Variants in STRN observed in about 807,000 individuals in gnomAD.
The protein encoded by STRN is protein phosphatase 2 regulatory subunit B'''alpha.
STRN carries 53 observed loss-of-function variants against 96.3 expected under a neutral mutation model. The ratio of observed to expected loss-of-function variants is 0.55; its 90% confidence interval spans 0.44 to 0.69. STRN has a LOEUF of 0.69. Ranked by LOEUF, STRN falls within the 30% of genes least tolerant of loss-of-function variation. The probability of loss-of-function intolerance (pLI) is 0.00; values close to 1 mark genes in which losing one functional copy is unlikely to be tolerated. For missense variants in STRN, 987 were observed against 963.9 expected, an observed-to-expected ratio of 1.02 and a Z score of -0.32; for synonymous variants, 428 against 355.9, an observed-to-expected ratio of 1.20 and a Z score of -2.28.
At chr2:36,914,644 T>C (rs770259921) in intron 3 of STRN, among the ~76,000 whole-genome samples, 10 of 152,140 alleles carry the variant, frequency 6.6e-5, no homozygotes, top group Admixed American at 2.0e-4. Context: ...AACTATAAAA[T>C]TGGCAGTACA....
At chr2:36,890,943 A>G (rs1189113924) in intron 7 of STRN, among the ~76,000 whole-genome samples, 3 of 152,126 alleles carry the variant, frequency 2.0e-5, no homozygotes, top group African/African-American at 7.2e-5. Context: ...AAGCAAAATA[A>G]TACACTACAG....
rs57446302 is a variant in STRN at position 36,846,387 on chromosome 2, T to TTATATATATATATATATA, written c.*3051_*3068dup. The TTATATATATATATATATA allele has an allele frequency of 5.4e-4, 42 of 78,304 alleles. No homozygotes were observed. The highest frequency in any genetic ancestry group is 6.3e-4 in the Non-Finnish European group (29 of 46,172). 4.9% of individuals were successfully genotyped at this position (78,304 alleles called of 1,614,324 possible). On this transcript the variant is annotated 3_prime_UTR_variant, in exon 18 of 18. Coordinates refer to ENST00000263918, the MANE Select transcript of STRN (RefSeq NM_003162.4). ...CAAAACAGTAAAATGCACCTATGGT[T>TTATATATATATATATATA]TATATATATATATATATATATATAT...
At chr2:36,896,034 G>C (rs1230932927) in intron 6 of STRN, among the ~76,000 whole-genome samples, 3 of 152,046 alleles carry the variant, frequency 2.0e-5, no homozygotes, top group Non-Finnish European at 4.4e-5. Context: ...TTTTACCCTA[G>C]AGGCTTAATC....
At chr2:36,943,413 A>C (rs937251783) in intron 1 of STRN, among the ~76,000 whole-genome samples, 1 of 151,628 alleles carries the variant, frequency 6.6e-6, no homozygotes, top group Non-Finnish European at 1.5e-5. Flanking sequence ...AATATATAAG[A>C]TTAATAAAAC....
intron 10 of STRN, among the ~76,000 whole-genome samples, chr2:36,876,482 G>T (rs1306857294): frequency 1.3e-5 from 2 of 152,060 alleles, no homozygotes; most frequent in East Asian, 1.9e-4. Context: ...AACAGGTTGG[G>T]AGTTTTTTTA....
chr2:36,879,440 T>C (rs1669010275), intron 9 of STRN, among the ~76,000 whole-genome samples: 1 of 152,254 alleles, frequency 6.6e-6, no homozygotes, highest in South Asian at 2.1e-4. Context: ...ATGTCAGTTT[T>C]ACTTTGTGAA....
At chr2:36,874,717 TAAAAAAAAA>T (rs35268065) in intron 10 of STRN, among the ~76,000 whole-genome samples, 3 of 86,276 alleles carry the variant, frequency 3.5e-5, no homozygotes, top group African/African-American at 1.4e-4. Flanking sequence ...TGTTTAGAGT[TAAAAAAAAA>T]AAAAAAAAAA....
intron 1 of STRN, among the ~76,000 whole-genome samples, chr2:36,944,848 A>G (rs956297630): frequency 6.6e-6 from 1 of 152,204 alleles, no homozygotes; most frequent in African/African-American, 2.4e-5. Context: ...GCAAATTAAT[A>G]TAAGTAGGAG....
rs1191376825 is a variant in STRN at position 36,840,440 on chromosome 2, T to G, written c.*9016A>C. The stretch of plus-strand genomic sequence containing the variant: ...TACTCAGGCATTTTGTTGCTACCTG[T>G]GAGGTAAAGTCCAAATTCCTCTCCA... On this transcript the variant is annotated 3_prime_UTR_variant, in exon 18 of 18. Transcript: ENST00000263918. The G allele has an allele frequency of 6.6e-6, 1 of 152,078 alleles. No individual in the cohort carries two copies. The highest frequency in any genetic ancestry group is 1.5e-5 in the Non-Finnish European group (1 of 68,028). The allele number at this position is 152,078 out of a possible 1,614,324, so 9.4% of individuals were successfully genotyped here. A position where few individuals can be genotyped will look rare whatever the true frequency, so the allele number is the denominator to read the frequency against.
intron 2 of STRN, among the ~76,000 whole-genome samples, chr2:36,924,245 AC>A (rs1330563761): frequency 1.3e-5 from 2 of 151,212 alleles, no homozygotes; most frequent in Non-Finnish European, 2.9e-5. Context: ...AGTCCCAGCT[AC>A]TTGGGAGGCT....
chr2:36,895,383 G>C (rs1182504648), intron 6 of STRN, among the ~76,000 whole-genome samples: 2 of 151,170 alleles, frequency 1.3e-5, no homozygotes, highest in Admixed American at 1.3e-4. Context: ...AATGATGCTA[G>C]AATAATTTGT....
Position 36,841,016 on chromosome 2 carries a change from C to T in STRN, c.*8440G>A, listed in dbSNP as rs1401763801. 6.6e-6 allele frequency: 1 copy of T among 152,130 alleles called. No homozygotes were observed. The highest frequency in any genetic ancestry group is 2.4e-5 in the African/African-American group (1 of 41,420). 9.4% of individuals were successfully genotyped at this position (152,130 alleles called of 1,614,324 possible). A position where few individuals can be genotyped will look rare whatever the true frequency, so the allele number is the denominator to read the frequency against. ...CTATCAATTGGACACCTCAAGGGCA[C>T]AAAATTGCCTGGAACTACAACCTTC... On this transcript the variant is annotated 3_prime_UTR_variant, in exon 18 of 18. Transcript: ENST00000263918.
intron 1 of STRN, among the ~76,000 whole-genome samples, chr2:36,934,090 C>CA: frequency 6.6e-6 from 1 of 151,992 alleles, no homozygotes; most frequent in Non-Finnish European, 1.5e-5. Context: ...GCCTGGGTGA[C>CA]AGAGGGAGAC....
rs890266834 is a variant in STRN at position 36,847,100 on chromosome 2, G to A, written c.*2356C>T. The stretch of plus-strand genomic sequence containing the variant: ...AGGCTGAGATCATGCAGTGCTGGTA[G>A]AGAAGACTCTCTCCGTAGTCTCCAA... On this transcript the variant is annotated 3_prime_UTR_variant, in exon 18 of 18. Coordinates refer to ENST00000263918, the MANE Select transcript of STRN (RefSeq NM_003162.4). The A allele has an allele frequency of 6.6e-6, 1 of 152,142 alleles. No homozygotes were observed. The highest frequency in any genetic ancestry group is 6.6e-5 in the Admixed American group (1 of 15,262). The allele number at this position is 152,142 out of a possible 1,614,324, so 9.4% of individuals were successfully genotyped here.
At chr2:36,887,910 T>C (rs1669282575) in intron 7 of STRN, among the ~76,000 whole-genome samples, 1 of 152,322 alleles carries the variant, frequency 6.6e-6, no homozygotes, top group African/African-American at 2.4e-5. Context: ...CTCAGAATGC[T>C]AGCTTGAACC....
In STRN at chr2:36,946,902, C is replaced by CT. The variant is rs531046476; in HGVS notation, c.234+19327dup. Reference sequence around the variant, plus strand: ...CATTATACCAAACTTACAAAAATTTCTTTTTTTTTTTGAGACGGATTCTAG... The same window carrying CT: ...CATTATACCAAACTTACAAAAATTTCTTTTTTTTTTTTGAGACGGATTCTAG... On this transcript the variant is annotated intron_variant, in intron 1 of 17. Transcript: ENST00000263918. Among the ~76,000 whole-genome samples, 345 of 146,262 alleles carry CT rather than the reference C, an allele frequency of 2.4e-3. 1 individual carries two copies. The highest frequency in any genetic ancestry group is 2.8e-3 in the African/African-American group (112 of 40,146).
intron 3 of STRN, 37 bp downstream of exon 3, chr2:36,916,041 C>A: frequency 3.9e-6 from 6 of 1,555,890 alleles, no homozygotes; most frequent in Non-Finnish European, 3.5e-6. Flanking sequence ...ACATTAACTT[C>A]TTTTTAACAC....
chr2:36,904,237 C>T (rs1669760045), intron 4 of STRN, among the ~76,000 whole-genome samples: 1 of 152,178 alleles, frequency 6.6e-6, no homozygotes, highest in Admixed American at 6.5e-5. Flanking sequence ...TTTCTTGTAA[C>T]TATCTAGATC....
chr2:36,842,543 C>G lies in STRN; in HGVS notation c.*6913G>C, dbSNP rs1420558482. 1 of 152,144 alleles carries G rather than the reference C, an allele frequency of 6.6e-6. No individual in the cohort carries two copies. Among genetic ancestry groups the G allele is most frequent in the Non-Finnish European group, 1.5e-5 (1 of 68,020 alleles). 9.4% of individuals were successfully genotyped at this position (152,144 alleles called of 1,614,324 possible). A position where few individuals can be genotyped will look rare whatever the true frequency, so the allele number is the denominator to read the frequency against. ...TGGCTAAATCACCAAGGACAAGATACTTTTCTATGAAATAGGTCCTTCCTA... is the reference window on the plus strand; with the variant it reads ...TGGCTAAATCACCAAGGACAAGATAGTTTTCTATGAAATAGGTCCTTCCTA... On this transcript the variant is annotated 3_prime_UTR_variant, in exon 18 of 18. Coordinates refer to ENST00000263918, the MANE Select transcript of STRN (RefSeq NM_003162.4).
Sources: gnomAD v4.1 joint callset for allele counts (sites outside exome capture counted in the v4.1 genomes callset) on GRCh38, gnomAD v4.1.1 for gene constraint, MANE v1.5 for transcripts, NCBI Gene and HGNC (gene_info 2026-07-23, HGNC 2026-07-21) for gene names.